Variants in ACSM1 observed in about 807,000 individuals in gnomAD.
The protein encoded by ACSM1 is acyl-coenzyme A synthetase ACSM1, mitochondrial.
In ACSM1, 79 loss-of-function variants were observed where a neutral mutation model predicts 75.8. The observed-to-expected ratio is 1.04, with a 90% CI of 0.87 to 1.26. The LOEUF (loss-of-function observed/expected upper bound fraction) is 1.26, where lower values mean the gene tolerates loss of function less well. ACSM1 is among the 50% of genes most tolerant of loss of function. ACSM1 has a pLI of 0.00. For synonymous variants in ACSM1, 279 were observed against 265.8 expected (o/e 1.05, Z -0.48); for missense variants, 676 against 720.1 (o/e 0.94, Z 0.70).
chr16:20,630,764 T>C (rs546994157), intron 10 of ACSM1, among the ~76,000 whole-genome samples: 1 of 152,198 alleles, frequency 6.6e-6, no homozygotes, highest in African/African-American at 2.4e-5. Context: ...GGATGGACCA[T>C]ATATTAGGCC....
At chr16:20,652,420 A>T (rs1412237107) in intron 7 of ACSM1, among the ~76,000 whole-genome samples, 1 of 152,102 alleles carries the variant, frequency 6.6e-6, no homozygotes, top group Non-Finnish European at 1.5e-5. Flanking sequence ...TTATAAAAAT[A>T]AAGAGGTATT....
At chr16:20,659,283 C>A (rs904523863) in intron 7 of ACSM1, among the ~76,000 whole-genome samples, 2 of 152,136 alleles carry the variant, frequency 1.3e-5, no homozygotes, top group African/African-American at 4.8e-5. Context: ...TGGGACCCTG[C>A]CAGATGGCCA....
chr16:20,682,289 C>G lies in ACSM1; in HGVS notation c.578G>C (p.Arg193Pro), dbSNP rs146861278. The change falls in exon 4 of 14, where the codon CGT becomes CCT. Residue 193 changes from arginine to proline, a missense_variant. By Grantham distance (103) the Arg-to-Pro change is moderately radical. Coordinates refer to ENST00000520010, the MANE Select transcript of ACSM1 (RefSeq NM_001318890.3). ...CGATCGGAAGTCCAGCCACCCTTCACGGCTGTGATCAGACACCAGGAGCTT... is the reference window on the plus strand; with the variant it reads ...CGATCGGAAGTCCAGCCACCCTTCAGGGCTGTGATCAGACACCAGGAGCTT... The part of the protein sequence containing the change: ...KTKLLVSDHS[R>P]EGWLDFRSLV... 2.2e-5 allele frequency: 36 copies of G among 1,613,504 alleles called. No individual in the cohort carries two copies. The African/African-American group carries it at 4.3e-4, about 19-fold the overall frequency.
chr16:20,669,987 C>A lies in ACSM1; in HGVS notation c.753-1G>T, dbSNP rs1567292997. ...TGTCTTCAGGCTCCGTAATTTCCTA[C>A]TAACTCCAAAATGCAGTGGCCTCAG... On this transcript the variant is annotated splice_acceptor_variant, in intron 5 of 13. Transcript: ENST00000520010. LOFTEE classifies it high-confidence loss of function. 6.2e-7 allele frequency: 1 copy of A among 1,613,548 alleles called. No homozygotes were observed. Among genetic ancestry groups the A allele is most frequent in the Non-Finnish European group, 8.5e-7 (1 of 1,179,742 alleles).
At chr16:20,625,387 C>A (rs1447055289) in intron 12 of ACSM1, 36 bp downstream of exon 12, 1 of 1,596,882 alleles carries the variant, frequency 6.3e-7, no homozygotes, top group Middle Eastern at 1.7e-4. Flanking sequence ...TCCTAGTGCC[C>A]ACGCACAGAC....
chr16:20,691,462 G>A (rs377477966), intron 1 of ACSM1, among the ~76,000 whole-genome samples: 33 of 152,220 alleles, frequency 2.2e-4, no homozygotes, highest in East Asian at 3.9e-4. Flanking sequence ...GGTTTGGTGC[G>A]CGTTCCTAGG....
intron 4 of ACSM1, 192 bp downstream of exon 4, chr16:20,682,064 T>C (rs1304504354): frequency 8.9e-6 from 5 of 560,884 alleles, no homozygotes; most frequent in Non-Finnish European, 1.6e-5. Context: ...AGATCTCCCC[T>C]CTCACCCCAT....
At chr16:20,643,447 C>A (rs188905772) in intron 7 of ACSM1, among the ~76,000 whole-genome samples, 20 of 152,276 alleles carry the variant, frequency 1.3e-4, no homozygotes, top group African/African-American at 4.6e-4. Flanking sequence ...TGGACCCTTG[C>A]AGTGGGTGTT....
intron 1 of ACSM1, among the ~76,000 whole-genome samples, chr16:20,694,616 C>T (rs930246196): frequency 3.9e-5 from 6 of 152,124 alleles, no homozygotes; most frequent in African/African-American, 1.4e-4. Flanking sequence ...TTCCTGAAGA[C>T]AGTCCAAACA....
intron 4 of ACSM1, among the ~76,000 whole-genome samples, chr16:20,676,711 A>G (rs1373318383): frequency 6.6e-6 from 1 of 152,198 alleles, no homozygotes; most frequent in Non-Finnish European, 1.5e-5. Flanking sequence ...GTGGGCGTGA[A>G]CACAGTCATG....
At chr16:20,628,573 C>A (rs1463079208) in intron 10 of ACSM1, among the ~76,000 whole-genome samples, 1 of 151,548 alleles carries the variant, frequency 6.6e-6, no homozygotes, top group African/African-American at 2.4e-5. Context: ...TCAGCATAAT[C>A]CCCCAGAGAT....
chr16:20,628,728 T>G (rs2017150111), intron 10 of ACSM1, among the ~76,000 whole-genome samples: 1 of 152,164 alleles, frequency 6.6e-6, no homozygotes, highest in South Asian at 2.1e-4. Flanking sequence ...CTATTTAGAG[T>G]AAAGCTGCTA....
chr16:20,640,730 C>T, intron 7 of ACSM1, 146 bp from the exon 8 acceptor site: 1 of 1,367,738 alleles, frequency 7.3e-7, no homozygotes, highest in Non-Finnish European at 9.8e-7. Flanking sequence ...TGGCCATGGC[C>T]AAGTGGATGT....
At chr16:20,625,397 CATG>C in intron 12 of ACSM1, 23 bp downstream of exon 12, 1 of 1,602,282 alleles carries the variant, frequency 6.2e-7, no homozygotes, top group Non-Finnish European at 8.5e-7. Flanking sequence ...CACGCACAGA[CATG>C]ATGATCTCTG....
rs1236382727 is a variant in ACSM1, at chr16:20,640,536, C to T, written c.1041G>A (p.Val347=). ...LEHCYTGGEV[V]LPKDQEEWKR... ...TCCACTCCTCCTGATCCTTGGGCAACACGACCTCCCCGCCAGTATAGCAGT... is the reference window on the plus strand; with the variant it reads ...TCCACTCCTCCTGATCCTTGGGCAATACGACCTCCCCGCCAGTATAGCAGT... The change falls in exon 8 of 14, where the codon GTG becomes GTA. Residue 347 remains valine, a synonymous_variant. Coordinates refer to ENST00000520010, the MANE Select transcript of ACSM1 (RefSeq NM_001318890.3). The T allele has an allele frequency of 1.2e-6, 2 of 1,614,176 alleles. No individual in the cohort carries two copies. The highest frequency in any genetic ancestry group is 8.5e-7 in the Non-Finnish European group (1 of 1,180,014).
intron 11 of ACSM1, among the ~76,000 whole-genome samples, chr16:20,626,419 G>C (rs979202523): frequency 6.6e-6 from 1 of 151,618 alleles, no homozygotes; most frequent in Non-Finnish European, 1.5e-5. Flanking sequence ...AATATCCAAG[G>C]GAAATTGTTA....
rs2018465436 is a variant in ACSM1 at position 20,648,257 on chromosome 16, C to T, written c.993-7673G>A. ...TTCTCTCTGAAGGAGTCTTCATGTA[C>T]CTAACAAGGCCAGCTTTGCTAGCTA... On this transcript the variant is annotated intron_variant, in intron 7 of 13. Coordinates refer to ENST00000520010, the MANE Select transcript of ACSM1 (RefSeq NM_001318890.3). The surrounding 1 kb of genome is among the most constrained non-coding windows in gnomAD (Gnocchi z 4.2). Among the ~76,000 whole-genome samples the T allele has an allele frequency of 1.3e-5, 2 of 152,182 alleles. No individual in the cohort carries two copies. The highest frequency in any genetic ancestry group is 4.8e-5 in the African/African-American group (2 of 41,440).
intron 2 of ACSM1, among the ~76,000 whole-genome samples, chr16:20,685,834 AAC>A (rs1206962570): frequency 1.0e-5 from 1 of 99,754 alleles, no homozygotes; most frequent in African/African-American, 4.2e-5. Flanking sequence ...AAAAAAAACA[AAC>A]AAAAAAAAAA....
intron 6 of ACSM1, among the ~76,000 whole-genome samples, chr16:20,662,998 G>C (rs1025022960): frequency 4.6e-5 from 7 of 152,264 alleles, no homozygotes; most frequent in African/African-American, 1.7e-4. Context: ...GGCAGGACTG[G>C]CTTCTCTGTC....
Sources: allele counts gnomAD v4.1 joint callset (sites outside exome capture counted in the v4.1 genomes callset), GRCh38; gene constraint gnomAD v4.1.1; non-coding constraint Gnocchi (gnomAD v3.1); transcripts MANE v1.5; gene names NCBI Gene and HGNC (gene_info 2026-07-23, HGNC 2026-07-21).